TANC1: variants seen among roughly 807,000 people sequenced by gnomAD.
TANC1 encodes the protein protein TANC1.
TANC1 carries 77 observed loss-of-function variants against 149.7 expected under a neutral mutation model. That is an observed-to-expected ratio of 0.51 (90% CI 0.43 to 0.62). TANC1 has a LOEUF of 0.62. Ranked by LOEUF, TANC1 falls within the 20% of genes least tolerant of loss-of-function variation. TANC1 has a pLI of 0.00. For synonymous variants in TANC1, 854 were observed against 925.0 expected (o/e 0.92, Z 1.39); for missense variants, 1,985 against 2,321.8 (o/e 0.85, Z 2.98).
At chr2:159,131,761 G>A (rs1490352494) in intron 4 of TANC1, among the ~76,000 whole-genome samples, 1 of 152,236 alleles carries the variant, frequency 6.6e-6, no homozygotes, top group East Asian at 1.9e-4. Context: ...ATGAGTGATT[G>A]TGGGGGACAA....
At position 159,134,931 on chromosome 2, in the gene TANC1, T is replaced by A. The variant is rs1457133263; in HGVS notation, c.260-1263T>A. Among the ~76,000 whole-genome samples the A allele has an allele frequency of 2.6e-5, 4 of 152,194 alleles. No homozygotes were observed. The East Asian group carries it at 7.7e-4, about 29-fold the overall frequency. ...CCGTGCCTAGCCTTTTAATTTTTTT[T>A]AAGCAGTTTTGTTTAGGTATAATAC... On this transcript the variant is annotated intron_variant, in intron 4 of 26. Transcript: ENST00000263635.
At chr2:159,194,587 C>G in intron 17 of TANC1, 94 bp downstream of exon 17, 3 of 1,112,380 alleles carry the variant, frequency 2.7e-6, no homozygotes, top group South Asian at 2.6e-5. Context: ...TCTCTTGTCT[C>G]TGAAACCACA....
At chr2:159,032,199 G>A (rs264607) in intron 2 of TANC1, among the ~76,000 whole-genome samples, 67,679 of 152,028 alleles carry the variant, frequency 0.45, 15,809 homozygotes, top group African/African-American at 0.57. Flanking sequence ...CACAGATACC[G>A]TAAGAAAAGA....
intron 2 of TANC1, among the ~76,000 whole-genome samples, chr2:159,060,816 G>A (rs972227805): frequency 3.9e-5 from 6 of 152,170 alleles, no homozygotes; most frequent in Admixed American, 3.3e-4. Context: ...GGTGGTCATG[G>A]TTCTGATATT....
At chr2:159,196,508 GCTTACAGGGAGTGGGGTTTGCA>G (rs2057861092) in intron 17 of TANC1, 78 bp from the exon 18 acceptor site, 1 of 964,342 alleles carries the variant, frequency 1.0e-6, no homozygotes. Context: ...CCCCATGTAC[GCTTACAGGGAGTGGGGTTTGCA>G]CACAGCTAGG....
At chr2:159,226,337 A>G (rs920073363) in intron 24 of TANC1, 1 of 158,874 alleles carries the variant, frequency 6.3e-6, no homozygotes, top group Admixed American at 6.4e-5. Context: ...TTCCTGTCTG[A>G]AGCCATGGCG....
At chr2:159,125,090 G>A (rs949286143) in intron 4 of TANC1, among the ~76,000 whole-genome samples, 1 of 152,154 alleles carries the variant, frequency 6.6e-6, no homozygotes, top group Non-Finnish European at 1.5e-5. Context: ...AAAAGTCAGA[G>A]GAAGTAAGAG....
chr2:159,037,800 C>T (rs1236896184), intron 2 of TANC1, among the ~76,000 whole-genome samples: 1 of 152,164 alleles, frequency 6.6e-6, no homozygotes, highest in Non-Finnish European at 1.5e-5. Context: ...ATTCCTCCAG[C>T]TTTGTTCTTT....
At chr2:159,010,527 C>T (rs541220095) in intron 2 of TANC1, among the ~76,000 whole-genome samples, 13 of 152,128 alleles carry the variant, frequency 8.5e-5, no homozygotes, top group South Asian at 8.3e-4. Flanking sequence ...GTGGGTGCGT[C>T]GGGGGAGGGC....
intron 4 of TANC1, among the ~76,000 whole-genome samples, chr2:159,117,236 A>C (rs2048355107): frequency 6.6e-6 from 1 of 152,200 alleles, no homozygotes; most frequent in South Asian, 2.1e-4. Context: ...ATTTTTAATA[A>C]AATTTAAATT....
At chr2:159,062,992 A>AAAAAAAAAAAAAAAAAAAAAAAG (rs1559188236) in intron 2 of TANC1, among the ~76,000 whole-genome samples, 1 of 147,412 alleles carries the variant, frequency 6.8e-6, no homozygotes, top group African/African-American at 2.5e-5. Context: ...AAAAAAAAAA[A>AAAAAAAAAAAAAAAAAAAAAAAG]AAAGAAAGCA....
At chr2:159,040,909 C>T (rs534171179) in intron 2 of TANC1, among the ~76,000 whole-genome samples, 3 of 152,298 alleles carry the variant, frequency 2.0e-5, no homozygotes, top group Admixed American at 2.0e-4. Flanking sequence ...TATCTACCTT[C>T]AGTCTTTGAT....
chr2:159,204,634 T>C (rs1240588332), intron 19 of TANC1, among the ~76,000 whole-genome samples: 1 of 152,200 alleles, frequency 6.6e-6, no homozygotes, highest in Non-Finnish European at 1.5e-5. Flanking sequence ...CCATGCTTCA[T>C]GCACAGGACG....
chr2:159,160,478 T>C (rs1034288629), intron 7 of TANC1, among the ~76,000 whole-genome samples: 1 of 152,152 alleles, frequency 6.6e-6, no homozygotes, highest in Non-Finnish European at 1.5e-5. Context: ...AAGATGTCGT[T>C]TATTGGAAGA....
intron 1 of TANC1, among the ~76,000 whole-genome samples, chr2:158,995,824 G>T (rs1006298852): frequency 2.0e-5 from 3 of 151,982 alleles, no homozygotes; most frequent in African/African-American, 4.8e-5. Context: ...TGGCCTTTTT[G>T]ATGCTCATCT....
intron 19 of TANC1, among the ~76,000 whole-genome samples, chr2:159,216,147 C>T (rs1016894781): frequency 3.3e-5 from 5 of 152,100 alleles, no homozygotes; most frequent in Non-Finnish European, 7.4e-5. Flanking sequence ...ATCCATCTCT[C>T]GTTAATGAGC....
At chr2:159,158,476 G>T (rs1222711329) in intron 7 of TANC1, among the ~76,000 whole-genome samples, 1 of 152,186 alleles carries the variant, frequency 6.6e-6, no homozygotes, top group East Asian at 1.9e-4. Flanking sequence ...AGTGCAAAAA[G>T]AACTTAGAAT....
intron 3 of TANC1, among the ~76,000 whole-genome samples, chr2:159,076,295 A>G (rs748456225): frequency 6.6e-6 from 1 of 152,190 alleles, no homozygotes; most frequent in Non-Finnish European, 1.5e-5. Flanking sequence ...CCTATGTTCT[A>G]TAGGTAAAAG....
At chr2:159,229,013 T>A (rs1186973407) in intron 26 of TANC1, 117 bp downstream of exon 26, 1 of 732,176 alleles carries the variant, frequency 1.4e-6, no homozygotes, top group East Asian at 2.5e-5. Flanking sequence ...CTCATCCTTT[T>A]TAGTAGTGAA....
Sources: allele counts gnomAD v4.1 joint callset (sites outside exome capture counted in the v4.1 genomes callset), GRCh38; gene constraint gnomAD v4.1.1; transcripts MANE v1.5; gene names NCBI Gene and HGNC (gene_info 2026-07-23, HGNC 2026-07-21).